TRDN: variants seen among roughly 807,000 people sequenced by gnomAD.
TRDN encodes the protein triadin.
A neutral mutation model predicts 149.7 loss-of-function variants in TRDN; 161 were observed. The ratio of observed to expected loss-of-function variants is 1.08; its 90% CI spans 0.95 to 1.23. The LOEUF (loss-of-function observed/expected upper bound fraction) is 1.23. Ranked by LOEUF, TRDN falls within the 50% of genes most tolerant of loss-of-function variation. The pLI, the probability that TRDN is intolerant of heterozygous loss-of-function variation, is 0.00. For missense variants in TRDN, 896 were observed against 823.5 expected (o/e 1.09, Z -1.08); for synonymous variants, 294 against 250.5 (o/e 1.17, Z -1.64).
At chr6:123,427,906 G>T (rs2114562475) in intron 12 of TRDN, among the ~76,000 whole-genome samples, 1 of 152,150 alleles carries the variant, frequency 6.6e-6, no homozygotes, top group African/African-American at 2.4e-5. Flanking sequence ...GCTTGCTTTT[G>T]TTGATCACAC....
chr6:123,427,853 C>A (rs1774187247), intron 12 of TRDN, among the ~76,000 whole-genome samples: 1 of 152,124 alleles, frequency 6.6e-6, no homozygotes. Context: ...GGATTTAATT[C>A]TTTACTACAC....
chr6:123,408,833 C>A (rs569381345), intron 12 of TRDN, among the ~76,000 whole-genome samples: 3 of 152,100 alleles, frequency 2.0e-5, no homozygotes, highest in Admixed American at 6.5e-5. Context: ...AATCATTTTA[C>A]GAGTGATATA....
intron 12 of TRDN, among the ~76,000 whole-genome samples, chr6:123,403,376 A>G (rs1276954909): frequency 6.6e-6 from 1 of 152,190 alleles, no homozygotes; most frequent in South Asian, 2.1e-4. Flanking sequence ...AGTGGAATCC[A>G]TTCCTGTGAC....
At chr6:123,478,725 A>G (rs1282189450) in intron 9 of TRDN, among the ~76,000 whole-genome samples, 1 of 152,216 alleles carries the variant, frequency 6.6e-6, no homozygotes, top group Non-Finnish European at 1.5e-5. Flanking sequence ...ATCCAGTGAA[A>G]TGTTCAATAC....
In TRDN at chr6:123,224,720, A is replaced by G. The variant is rs536888398; in HGVS notation, c.1976-589T>C. Among the ~76,000 whole-genome samples, 3 of 151,904 alleles carry G rather than the reference A, an allele frequency of 2.0e-5. No individual in the cohort carries two copies. In the East Asian group the frequency reaches 5.8e-4, roughly 30 times the overall value. ...TGGATATCTATATGCAAAAGGATGA[A>G]AGTGGACCTTTATCTTCCACCACCC... On this transcript the variant is annotated intron_variant, in intron 38 of 40. Transcript: ENST00000334268.
intron 1 of TRDN, among the ~76,000 whole-genome samples, chr6:123,615,596 C>T (rs1022958622): frequency 6.6e-6 from 1 of 151,952 alleles, no homozygotes; most frequent in African/African-American, 2.4e-5. Context: ...AGAATGAAAT[C>T]CTGTCATTCA....
At chr6:123,527,834 C>T (rs1780027195) in intron 5 of TRDN, among the ~76,000 whole-genome samples, 1 of 151,114 alleles carries the variant, frequency 6.6e-6, no homozygotes, top group South Asian at 2.1e-4. Context: ...GTGACCAATA[C>T]AAGGTCACAT....
intron 13 of TRDN, 121 bp downstream of exon 13, chr6:123,393,502 AT>A (rs200867087): frequency 7.5e-4 from 624 of 832,540 alleles, no homozygotes; most frequent in Middle Eastern, 1.3e-3. Context: ...ATTCAACAAT[AT>A]TTTTTTTGCA....
chr6:123,551,821 T>A (rs60174428), intron 2 of TRDN, among the ~76,000 whole-genome samples: 1 of 152,078 alleles, frequency 6.6e-6, no homozygotes, highest in Non-Finnish European at 1.5e-5. Context: ...TTGTGCTATA[T>A]GCTGTCAAAC....
At chr6:123,298,806 C>T (rs940986684) in intron 24 of TRDN, among the ~76,000 whole-genome samples, 12 of 151,982 alleles carry the variant, frequency 7.9e-5, no homozygotes, top group Non-Finnish European at 1.5e-4. Flanking sequence ...TGAAACATGC[C>T]ATTAAAGGAA....
At chr6:123,548,103 A>C (rs1436106760) in intron 3 of TRDN, among the ~76,000 whole-genome samples, 1 of 152,006 alleles carries the variant, frequency 6.6e-6, no homozygotes, top group Non-Finnish European at 1.5e-5. Context: ...ATCTTCCTAG[A>C]GATAAACTTG....
intron 23 of TRDN, among the ~76,000 whole-genome samples, chr6:123,323,637 T>C (rs939084428): frequency 6.6e-6 from 1 of 152,200 alleles, no homozygotes; most frequent in Non-Finnish European, 1.5e-5. Context: ...AGTTTGATGC[T>C]TACAGAAAAA....
intron 7 of TRDN, among the ~76,000 whole-genome samples, chr6:123,508,312 A>T (rs1267288188): frequency 6.6e-6 from 1 of 152,232 alleles, no homozygotes; most frequent in African/African-American, 2.4e-5. Flanking sequence ...CCAATTTCTA[A>T]TCACAGTGAA....
At chr6:123,411,520 T>C (rs771670075) in intron 12 of TRDN, among the ~76,000 whole-genome samples, 1 of 152,008 alleles carries the variant, frequency 6.6e-6, no homozygotes, top group Non-Finnish European at 1.5e-5. Flanking sequence ...AAACTCAGGA[T>C]GTGAGAACAA....
At chr6:123,423,427 A>C (rs1175632194) in intron 12 of TRDN, among the ~76,000 whole-genome samples, 1 of 152,162 alleles carries the variant, frequency 6.6e-6, no homozygotes, top group Non-Finnish European at 1.5e-5. Context: ...AACATTTATC[A>C]GAGAAGTTAT....
chr6:123,345,424 A>G (rs371923789), intron 21 of TRDN, among the ~76,000 whole-genome samples: 386 of 151,974 alleles, frequency 2.5e-3, no homozygotes, highest in African/African-American at 8.6e-3. Flanking sequence ...TTATTTGTCT[A>G]TTCTTTCACT....
intron 20 of TRDN, among the ~76,000 whole-genome samples, chr6:123,357,436 G>C (rs1455925715): frequency 1.3e-5 from 2 of 152,098 alleles, no homozygotes; most frequent in Non-Finnish European, 1.5e-5. Flanking sequence ...AGGAAGTGTA[G>C]TTTGAGCAGA....
intron 20 of TRDN, among the ~76,000 whole-genome samples, chr6:123,356,189 T>G (rs1275444664): frequency 1.3e-5 from 2 of 151,698 alleles, no homozygotes; most frequent in East Asian, 3.9e-4. Flanking sequence ...AACATCCTTA[T>G]TTTGTTTTGA....
chr6:123,335,989 C>A (rs544713683), intron 22 of TRDN, among the ~76,000 whole-genome samples: 4 of 151,882 alleles, frequency 2.6e-5, no homozygotes, highest in African/African-American at 9.6e-5. Flanking sequence ...ATGGAACTGT[C>A]GCAAAATACA....
Sources: gnomAD v4.1 joint callset for allele counts (sites outside exome capture counted in the v4.1 genomes callset) on GRCh38, gnomAD v4.1.1 for gene constraint, MANE v1.5 for transcripts, NCBI Gene and HGNC (gene_info 2026-07-23, HGNC 2026-07-21) for gene names.